CALD1: variants seen among roughly 807,000 people sequenced by gnomAD.
The protein encoded by CALD1 is caldesmon 1.
CALD1 carries 33 observed loss-of-function variants against 99.9 expected under a neutral mutation model. The ratio of observed to expected loss-of-function variants is 0.33; its 90% confidence interval spans 0.25 to 0.44. The LOEUF is 0.44. Among genes scored for constraint, CALD1 ranks in the 20% least tolerant of loss-of-function variants. CALD1 has a pLI of 1.00. For synonymous variants in CALD1, 310 were observed against 325.0 expected, an observed-to-expected ratio of 0.95 and a Z score of 0.50; for missense variants, 861 against 962.1, an observed-to-expected ratio of 0.89 and a Z score of 1.39.
At position 134,867,534 on chromosome 7, in the gene CALD1, C is replaced by T. The variant is rs540819291; in HGVS notation, c.-41-159C>T. Among the ~76,000 whole-genome samples, 8 of 152,254 alleles carry T rather than the reference C, an allele frequency of 5.3e-5. No homozygotes were observed. The East Asian group carries it at 1.3e-3, about 26-fold the overall frequency. ...TTCATGAATGAGACTGAATTTAACT[C>T]GGCTCAGGAGTCAGAAATTGATCAC... On this transcript the variant is annotated intron_variant, in intron 2 of 14. Coordinates refer to ENST00000361675, the MANE Select transcript of CALD1 (RefSeq NM_033138.4).
At chr7:134,953,642 C>T (rs1159972907) in intron 9 of CALD1, among the ~76,000 whole-genome samples, 1 of 147,610 alleles carries the variant, frequency 6.8e-6, no homozygotes, top group Non-Finnish European at 1.5e-5. Flanking sequence ...TCTAGACTTC[C>T]AAATTCTACT....
chr7:134,771,316 T>C (rs574601650), intron 1 of CALD1, among the ~76,000 whole-genome samples: 1 of 152,248 alleles, frequency 6.6e-6, no homozygotes, highest in South Asian at 2.1e-4. Flanking sequence ...CTGAAATATG[T>C]CTAATATGAT....
At chr7:134,719,673 T>C in the CALD1 span, among the ~76,000 whole-genome samples, 2 of 152,132 alleles carry the variant, frequency 1.3e-5, no homozygotes, top group African/African-American at 4.8e-5. Flanking sequence ...GTCCGATATG[T>C]GTTTGTCCAT....
chr7:134,776,737 A>G (rs1796921808), upstream of CALD1, among the ~76,000 whole-genome samples: 1 of 152,210 alleles, frequency 6.6e-6, no homozygotes, highest in Non-Finnish European at 1.5e-5. Context: ...TGAATAAAGT[A>G]GGCATTTTAA....
At chr7:134,864,347 C>CAAA (rs71172479) in intron 2 of CALD1, among the ~76,000 whole-genome samples, 4,446 of 126,756 alleles carry the variant, frequency 0.035, 108 homozygotes, top group Non-Finnish European at 0.056. Flanking sequence ...AACTCCATCT[C>CAAA]AAAAAAAAAA....
intron 2 of CALD1, among the ~76,000 whole-genome samples, chr7:134,848,332 A>G (rs994716529): frequency 2.0e-5 from 3 of 152,326 alleles, no homozygotes; most frequent in South Asian, 4.1e-4. Context: ...ACCAGCCTCT[A>G]AGAGCTAGAG....
chr7:134,942,227 C>T (rs1223030775), intron 7 of CALD1, among the ~76,000 whole-genome samples: 1 of 152,136 alleles, frequency 6.6e-6, no homozygotes, highest in Non-Finnish European at 1.5e-5. Flanking sequence ...CTGAACACTT[C>T]AAATAAGAAA....
At chr7:134,872,291 G>A (rs939921661) in intron 3 of CALD1, among the ~76,000 whole-genome samples, 2 of 149,274 alleles carry the variant, frequency 1.3e-5, no homozygotes, top group African/African-American at 4.9e-5. Flanking sequence ...CTGGGAGGCA[G>A]AGGGTGCAGT....
chr7:134,721,810 A>G, the CALD1 span, among the ~76,000 whole-genome samples: 1 of 152,162 alleles, frequency 6.6e-6, no homozygotes, highest in Non-Finnish European at 1.5e-5. Flanking sequence ...ACAATATCCT[A>G]TCAGATTTGG....
chr7:134,857,442 C>T (rs1217282526), intron 2 of CALD1, among the ~76,000 whole-genome samples: 1 of 152,016 alleles, frequency 6.6e-6, no homozygotes, highest in African/African-American at 2.4e-5. Flanking sequence ...CAAGCGTGAG[C>T]CACCGCGCCC....
chr7:134,891,544 C>G (rs1382189960), intron 3 of CALD1: 2 of 1,542,812 alleles, frequency 1.3e-6, no homozygotes, highest in Admixed American at 2.0e-5. Context: ...CTCCGCGGGC[C>G]CAGCCCACGC....
At chr7:134,860,188 G>T (rs948037137) in intron 2 of CALD1, among the ~76,000 whole-genome samples, 7 of 152,102 alleles carry the variant, frequency 4.6e-5, no homozygotes, top group African/African-American at 1.7e-4. Context: ...TTTTTTTAAA[G>T]TAGCACAGAT....
chr7:134,874,951 A>G (rs1259877561), intron 3 of CALD1, among the ~76,000 whole-genome samples: 3 of 152,148 alleles, frequency 2.0e-5, no homozygotes, highest in Non-Finnish European at 2.9e-5. Flanking sequence ...ACACACGCAA[A>G]CCCAACACTT....
Position 134,933,367 on chromosome 7 carries a change from C to A in CALD1, c.598C>A (p.Arg200=). The A allele has an allele frequency of 6.2e-7, 1 of 1,607,202 alleles. No individual in the cohort carries two copies. Among genetic ancestry groups the A allele is most frequent in the South Asian group, 1.1e-5 (1 of 89,878 alleles). ...KEEEEEEKPK[R]GSIGENQVEV... is the part of the protein sequence containing the mutation. Reference sequence around the variant, plus strand: ...GGAGGAGGAAGAGGAGAAGCCAAAGCGAGGGAGCATTGGAGAAAATCAGGT... The same window carrying A: ...GGAGGAGGAAGAGGAGAAGCCAAAGAGAGGGAGCATTGGAGAAAATCAGGT... The change falls in exon 5 of 15, where the codon CGA becomes AGA. Residue 200 remains arginine, a synonymous_variant. Coordinates refer to ENST00000361675, the MANE Select transcript of CALD1 (RefSeq NM_033138.4).
chr7:134,812,987 G>A (rs1798411605), intron 1 of CALD1, among the ~76,000 whole-genome samples: 1 of 152,194 alleles, frequency 6.6e-6, no homozygotes, highest in Non-Finnish European at 1.5e-5. Flanking sequence ...GGCCAATGGG[G>A]CAGAAAGAGA....
the CALD1 span, among the ~76,000 whole-genome samples, chr7:134,724,933 C>T: frequency 4.6e-5 from 7 of 152,228 alleles, no homozygotes; most frequent in African/African-American, 1.7e-4. Flanking sequence ...GGTCCTGTGC[C>T]TAACCAGGAG....
chr7:134,911,981 T>C (rs187534387), intron 3 of CALD1, among the ~76,000 whole-genome samples: 1 of 152,144 alleles, frequency 6.6e-6, no homozygotes, highest in Non-Finnish European at 1.5e-5. Flanking sequence ...GATGGAAGAA[T>C]GTAGCATTTG....
rs1240050176 is a variant in CALD1 at position 134,911,368 on chromosome 7, C to T, written c.72-17386C>T. On this transcript the variant is annotated intron_variant, in intron 3 of 14. Transcript: ENST00000361675. ...TCTGCTTTTAAAGCCACTCACAAAACTTCCAACAGAGTGTATGTGTGCTCT... is the reference window on the plus strand; with the variant it reads ...TCTGCTTTTAAAGCCACTCACAAAATTTCCAACAGAGTGTATGTGTGCTCT... Among the ~76,000 whole-genome samples the T allele has an allele frequency of 3.3e-5, 5 of 152,220 alleles. No homozygotes were observed. The South Asian group carries it at 8.3e-4, about 25-fold the overall frequency.
chr7:134,750,040 T>C (rs1796671335), intron 1 of CALD1, among the ~76,000 whole-genome samples: 1 of 151,994 alleles, frequency 6.6e-6, no homozygotes, highest in South Asian at 2.1e-4. Flanking sequence ...GTGGCCTCAT[T>C]ACACCCAGAT....
Sources: allele counts gnomAD v4.1 joint callset (sites outside exome capture counted in the v4.1 genomes callset), GRCh38; gene constraint gnomAD v4.1.1; transcripts MANE v1.5; gene names NCBI Gene and HGNC (gene_info 2026-07-23, HGNC 2026-07-21).